Variants in SLC44A1 observed in about 807,000 individuals in gnomAD.
SLC44A1 encodes the protein solute carrier family 44 member 1.
A neutral mutation model predicts 79.3 loss-of-function variants in SLC44A1; 26 were observed. That is an observed-to-expected ratio of 0.33 (90% confidence interval 0.24 to 0.46). The LOEUF (loss-of-function observed/expected upper bound fraction) is 0.46. Ranked by LOEUF, SLC44A1 falls within the 20% of genes least tolerant of loss-of-function variation. SLC44A1 has a pLI of 1.00. For missense variants in SLC44A1, 688 were observed against 798.1 expected (o/e 0.86, Z 1.66); for synonymous variants, 263 against 286.2 (o/e 0.92, Z 0.82).
In SLC44A1 at chr9:105,390,762, T is replaced by C; in HGVS notation, c.*1706T>C. 1.0e-6 allele frequency: 1 copy of C among 985,396 alleles called. No homozygotes were observed. 61.0% of individuals were successfully genotyped at this position (985,396 alleles called of 1,614,324 possible). ...TTCTGATTTTTCAGAATATTTGCAA[T>C]AAGAGTCTGGATTTTAAAAAACACA... On this transcript the variant is annotated 3_prime_UTR_variant, in exon 16 of 16. Coordinates refer to ENST00000374720, the MANE Select transcript of SLC44A1 (RefSeq NM_080546.5).
intron 15 of SLC44A1, among the ~76,000 whole-genome samples, chr9:105,387,834 TA>T (rs1285835624): frequency 6.6e-6 from 1 of 152,196 alleles, no homozygotes; most frequent in Non-Finnish European, 1.5e-5. Context: ...CCTAAACTCC[TA>T]ATTTATAGGT....
chr9:105,280,832 A>G (rs1053121598), intron 1 of SLC44A1, among the ~76,000 whole-genome samples: 4 of 152,240 alleles, frequency 2.6e-5, no homozygotes, highest in Admixed American at 1.3e-4. Context: ...TACTCCCACT[A>G]TGACTAATTT....
chr9:105,296,531 A>G (rs1170906731), intron 1 of SLC44A1, among the ~76,000 whole-genome samples: 1 of 152,210 alleles, frequency 6.6e-6, no homozygotes, highest in Non-Finnish European at 1.5e-5. Context: ...TACACAACCA[A>G]CCTGAGGCTT....
intron 1 of SLC44A1, among the ~76,000 whole-genome samples, chr9:105,261,924 C>T (rs1275000992): frequency 6.6e-6 from 1 of 151,852 alleles, no homozygotes; most frequent in Non-Finnish European, 1.5e-5. Context: ...AGACTACAGG[C>T]GCCCGCCACC....
chr9:105,267,284 CA>C (rs1199919222), intron 1 of SLC44A1, among the ~76,000 whole-genome samples: 2 of 152,174 alleles, frequency 1.3e-5, no homozygotes, highest in Non-Finnish European at 2.9e-5. Context: ...TATTCTCTCT[CA>C]AACCTTTTAG....
chr9:105,336,818 A>G (rs768263315), intron 4 of SLC44A1, among the ~76,000 whole-genome samples: 6 of 152,200 alleles, frequency 3.9e-5, no homozygotes, highest in African/African-American at 7.2e-5. Flanking sequence ...CCCTCAGCAT[A>G]GGATAACATG....
At chr9:105,408,102 C>T (rs900521352) in intron 15 of SLC44A1, among the ~76,000 whole-genome samples, 2 of 148,030 alleles carry the variant, frequency 1.4e-5, no homozygotes, top group Non-Finnish European at 3.0e-5. Flanking sequence ...TGCTGTGAGC[C>T]GAGATCTCGC....
intron 1 of SLC44A1, among the ~76,000 whole-genome samples, chr9:105,285,675 C>T (rs1397711903): frequency 6.6e-6 from 1 of 152,134 alleles, no homozygotes; most frequent in Non-Finnish European, 1.5e-5. Flanking sequence ...TCACAAAGTA[C>T]ATTCTCAAGG....
intron 6 of SLC44A1, among the ~76,000 whole-genome samples, chr9:105,357,714 A>T (rs1027382596): frequency 1.3e-5 from 2 of 152,194 alleles, no homozygotes; most frequent in African/African-American, 4.8e-5. Context: ...TTTTTGAGGA[A>T]GGTCTCCTCA....
At chr9:105,265,767 C>T (rs1399880071) in intron 1 of SLC44A1, among the ~76,000 whole-genome samples, 1 of 152,346 alleles carries the variant, frequency 6.6e-6, no homozygotes, top group African/African-American at 2.4e-5. Flanking sequence ...TCCATATCCT[C>T]GTGAGCACTT....
At position 105,335,680 on chromosome 9, in the gene SLC44A1, G is replaced by T; in HGVS notation, c.387G>T (p.Gln129His). 1 of 1,613,436 alleles carries T rather than the reference G, an allele frequency of 6.2e-7. No homozygotes were observed. The highest frequency in any genetic ancestry group is 8.5e-7 in the Non-Finnish European group (1 of 1,179,616). The stretch of plus-strand genomic sequence containing the variant: ...AACTGAAAACTCTGAGTGATGTTCA[G>T]AAGTTTGCAGAGATAAATGGTGAGA... The part of the protein sequence containing the change: ...RQELKTLSDV[Q>H]KFAEINGSAL... Residue 129 changes from glutamine (Q) to histidine (H), a missense_variant, in exon 4 of 16, where the codon CAG (glutamine) becomes CAT (histidine). Physicochemically the swap from Gln to His is conservative, Grantham distance 24. Coordinates refer to ENST00000374720, the MANE Select transcript of SLC44A1 (RefSeq NM_080546.5).
At chr9:105,308,782 T>C (rs1212634920) in intron 2 of SLC44A1, among the ~76,000 whole-genome samples, 1 of 152,236 alleles carries the variant, frequency 6.6e-6, no homozygotes, top group Non-Finnish European at 1.5e-5. Flanking sequence ...AATGTAACCT[T>C]TTAACGATCA....
intron 3 of SLC44A1, 46 bp from the exon 4 acceptor site, chr9:105,335,517 A>G (rs201026873): frequency 2.3e-5 from 35 of 1,522,908 alleles, no homozygotes; most frequent in Non-Finnish European, 2.8e-5. Context: ...GGGACCCACA[A>G]TGTGTTTTGT....
chr9:105,325,806 C>A (rs1159082675), intron 3 of SLC44A1, among the ~76,000 whole-genome samples: 1 of 152,118 alleles, frequency 6.6e-6, no homozygotes, highest in African/African-American at 2.4e-5. Flanking sequence ...TTGGGGGTGA[C>A]AAAAGGTTCT....
At chr9:105,375,416 A>G (rs1326193255) in intron 13 of SLC44A1, among the ~76,000 whole-genome samples, 1 of 152,204 alleles carries the variant, frequency 6.6e-6, no homozygotes, top group African/African-American at 2.4e-5. Flanking sequence ...CTGGAGCCTG[A>G]CTGCCTGGAT....
At chr9:105,317,047 G>C (rs762638251) in intron 3 of SLC44A1, among the ~76,000 whole-genome samples, 5 of 152,146 alleles carry the variant, frequency 3.3e-5, no homozygotes, top group Admixed American at 6.6e-5. Flanking sequence ...CCTCTTCCAA[G>C]CTCATTGAGG....
intron 1 of SLC44A1, among the ~76,000 whole-genome samples, chr9:105,246,373 CTTTTT>C (rs11284181): frequency 8.4e-6 from 1 of 119,074 alleles, no homozygotes; most frequent in East Asian, 2.6e-4. Flanking sequence ...TTCCTCCAGT[CTTTTT>C]TTTTTTTTTT....
At chr9:105,352,643 C>T (rs1417387010) in intron 5 of SLC44A1, among the ~76,000 whole-genome samples, 1 of 152,050 alleles carries the variant, frequency 6.6e-6, no homozygotes, top group East Asian at 1.9e-4. Flanking sequence ...TTATGCTTGT[C>T]CTTTTAATTA....
chr9:105,301,784 G>C (rs1327440725), intron 2 of SLC44A1, among the ~76,000 whole-genome samples: 1 of 152,136 alleles, frequency 6.6e-6, no homozygotes, highest in African/African-American at 2.4e-5. Flanking sequence ...CTGGAAATAA[G>C]TGGCAAAGAT....
Sources: allele counts gnomAD v4.1 joint callset (sites outside exome capture counted in the v4.1 genomes callset), GRCh38; gene constraint gnomAD v4.1.1; transcripts MANE v1.5; gene names NCBI Gene and HGNC (gene_info 2026-07-23, HGNC 2026-07-21).